TAFA2: variants seen among roughly 807,000 people sequenced by gnomAD.
The protein encoded by TAFA2 is chemokine-like protein TAFA-2.
TAFA2 carries 7 observed loss-of-function variants against 18.8 expected under a neutral mutation model. The observed-to-expected ratio is 0.37, with a 90% CI of 0.21 to 0.70. The LOEUF (loss-of-function observed/expected upper bound fraction) is 0.70, where lower values mean the gene tolerates loss of function less well. TAFA2 is among the 30% of genes least tolerant of loss of function. TAFA2 has a pLI of 0.53. For missense variants in TAFA2, 122 were observed against 158.1 expected (o/e 0.77, Z 1.23); for synonymous variants, 60 against 54.2 (o/e 1.11, Z -0.47).
chr12:61,782,518 C>A (rs1870548532), intron 2 of TAFA2, among the ~76,000 whole-genome samples: 1 of 151,652 alleles, frequency 6.6e-6, no homozygotes, highest in Admixed American at 6.6e-5. Context: ...TCTTTTGTCT[C>A]CCCAAAATGT....
intron 1 of TAFA2, among the ~76,000 whole-genome samples, chr12:62,125,672 T>C (rs1870427195): frequency 6.7e-6 from 1 of 148,310 alleles, no homozygotes; most frequent in Non-Finnish European, 1.5e-5. Context: ...CTCCCGCAGA[T>C]ATTTTTTTTC....
At chr12:61,876,238 T>G (rs1421695195) in intron 1 of TAFA2, among the ~76,000 whole-genome samples, 2 of 152,182 alleles carry the variant, frequency 1.3e-5, no homozygotes, top group African/African-American at 4.8e-5. Flanking sequence ...TTAGTTCTGG[T>G]GTACCTGTTC....
chr12:62,089,695 G>A (rs1868627404), intron 1 of TAFA2, among the ~76,000 whole-genome samples: 1 of 151,970 alleles, frequency 6.6e-6, no homozygotes. Context: ...TATGATTCAT[G>A]GAAGCATCTG....
At chr12:61,879,370 G>C (rs1414616935) in intron 1 of TAFA2, 4 of 742,080 alleles carry the variant, frequency 5.4e-6, no homozygotes, top group South Asian at 3.1e-5. Context: ...TCTGGCCCCC[G>C]GGCCTTCAGC....
At chr12:61,833,616 C>G (rs1367764139) in intron 2 of TAFA2, among the ~76,000 whole-genome samples, 1 of 152,020 alleles carries the variant, frequency 6.6e-6, no homozygotes, top group Non-Finnish European at 1.5e-5. Flanking sequence ...CGTGTAACTT[C>G]TATCATGGTT....
intron 4 of TAFA2, among the ~76,000 whole-genome samples, chr12:61,722,967 G>C (rs1869974972): frequency 6.6e-6 from 1 of 152,014 alleles, no homozygotes. Flanking sequence ...CATCCTTCAT[G>C]ATTAGACCCC....
intron 1 of TAFA2, among the ~76,000 whole-genome samples, chr12:62,181,997 C>CA (rs1555196491): frequency 1.3e-5 from 2 of 150,098 alleles, no homozygotes; most frequent in Non-Finnish European, 1.5e-5. Context: ...CCATCCCCCC[C>CA]CCGCTACACA....
chr12:61,877,501 A>G (rs755957741), intron 1 of TAFA2, among the ~76,000 whole-genome samples: 2 of 152,260 alleles, frequency 1.3e-5, no homozygotes, highest in African/African-American at 2.4e-5. Flanking sequence ...TGGTGGTGGA[A>G]GCCTATTACC....
chr12:61,796,122 A>G (rs1871178703), intron 2 of TAFA2, among the ~76,000 whole-genome samples: 1 of 152,166 alleles, frequency 6.6e-6, no homozygotes, highest in Non-Finnish European at 1.5e-5. Context: ...TGATACAATC[A>G]TTCTCCTCCT....
chr12:62,162,621 A>G (rs963455510), intron 1 of TAFA2, among the ~76,000 whole-genome samples: 8 of 152,176 alleles, frequency 5.3e-5, no homozygotes, highest in African/African-American at 1.9e-4. Flanking sequence ...CTCCAACAGT[A>G]TCATATGTGA....
At chr12:62,127,294 A>G (rs1870502261) in intron 1 of TAFA2, among the ~76,000 whole-genome samples, 1 of 151,914 alleles carries the variant, frequency 6.6e-6, no homozygotes, top group Non-Finnish European at 1.5e-5. Flanking sequence ...GAATGATTCA[A>G]TTGCACCCCA....
At chr12:61,742,687 T>A (rs542015265) in intron 4 of TAFA2, among the ~76,000 whole-genome samples, 1 of 152,182 alleles carries the variant, frequency 6.6e-6, no homozygotes, top group African/African-American at 2.4e-5. Context: ...CCTCTAGAGC[T>A]ATATATCAAA....
At chr12:61,809,625 T>TA (rs775782331) in intron 2 of TAFA2, among the ~76,000 whole-genome samples, 22 of 151,044 alleles carry the variant, frequency 1.5e-4, no homozygotes, top group Admixed American at 6.6e-5. Context: ...ATTTTTAATT[T>TA]AAAAAAAAGC....
intron 1 of TAFA2, among the ~76,000 whole-genome samples, chr12:61,973,395 ATTTT>A (rs33918768): frequency 2.2e-5 from 3 of 135,570 alleles, no homozygotes; most frequent in African/African-American, 8.1e-5. Flanking sequence ...TATTATTTAG[ATTTT>A]TTTTTTTTTT....
intron 2 of TAFA2, among the ~76,000 whole-genome samples, chr12:61,798,206 C>A (rs371990631): frequency 6.6e-6 from 1 of 152,092 alleles, no homozygotes; most frequent in Admixed American, 6.5e-5. Flanking sequence ...TATTAAATTG[C>A]TTTCATGATC....
chr12:62,114,478 T>A (rs1032219594), intron 1 of TAFA2, among the ~76,000 whole-genome samples: 2 of 152,192 alleles, frequency 1.3e-5, no homozygotes, highest in African/African-American at 4.8e-5. Flanking sequence ...TTGTCATATA[T>A]CAATGATTTA....
intron 1 of TAFA2, among the ~76,000 whole-genome samples, chr12:62,029,260 G>A (rs533976919): frequency 2.8e-4 from 42 of 152,220 alleles, no homozygotes; most frequent in African/African-American, 9.4e-4. Flanking sequence ...TTCACTTGAC[G>A]GAAAGAAGAA....
At chr12:61,886,137 TTTC>T (rs1407546930) in intron 1 of TAFA2, among the ~76,000 whole-genome samples, 8 of 149,214 alleles carry the variant, frequency 5.4e-5, no homozygotes, top group African/African-American at 1.8e-4. Flanking sequence ...AAGCCAGAGC[TTTC>T]TTCTCCTCTT....
At chr12:62,165,931 TCTCTCTCTCA>T in intron 1 of TAFA2, among the ~76,000 whole-genome samples, 3 of 121,280 alleles carry the variant, frequency 2.5e-5, no homozygotes, top group Non-Finnish European at 5.2e-5. Flanking sequence ...TCTCTCTCTC[TCTCTCTCTCA>T]CACACACACA....
Sources: gnomAD v4.1 joint callset for allele counts (sites outside exome capture counted in the v4.1 genomes callset) on GRCh38, gnomAD v4.1.1 for gene constraint, MANE v1.5 for transcripts, NCBI Gene and HGNC (gene_info 2026-07-23, HGNC 2026-07-21) for gene names.